FCAR: variants seen among roughly 807,000 people sequenced by gnomAD.
FCAR encodes Fc alpha receptor.
In FCAR, 21 loss-of-function variants were observed where a neutral mutation model predicts 27.1. The observed-to-expected ratio is 0.77, with a 90% CI of 0.55 to 1.11. The LOEUF (loss-of-function observed/expected upper bound fraction) is 1.11, where lower values mean the gene tolerates loss of function less well. Among genes scored for constraint, FCAR ranks in the 50% most tolerant of loss-of-function variants. The probability of loss-of-function intolerance (pLI) is 0.00; values close to 1 mark genes in which losing one functional copy is unlikely to be tolerated. For synonymous variants in FCAR, 134 were observed against 135.8 expected (o/e 0.99, Z 0.09); for missense variants, 404 against 358.4 (o/e 1.13, Z -1.03).
At chr19:54,884,260 G>A (rs2066578668) in intron 2 of FCAR, among the ~76,000 whole-genome samples, 1 of 152,196 alleles carries the variant, frequency 6.6e-6, no homozygotes, top group Admixed American at 6.5e-5. Flanking sequence ...CCTCTGCGGG[G>A]GCTGTGGTAA....
At chr19:54,874,589 G>A (rs1463541946) in intron 1 of FCAR, among the ~76,000 whole-genome samples, 2 of 152,102 alleles carry the variant, frequency 1.3e-5, no homozygotes, top group South Asian at 2.1e-4. Flanking sequence ...TTCTTATCAA[G>A]GAGAGACTTA....
intron 3 of FCAR, 115 bp downstream of exon 3, chr19:54,885,640 A>T (rs965171187): frequency 1.8e-4 from 133 of 759,618 alleles, no homozygotes; most frequent in Admixed American, 4.3e-4. Context: ...ATTGCTTCAG[A>T]GAGTTCTCAG....
At chr19:54,880,166 T>C (rs979337481) in intron 2 of FCAR, among the ~76,000 whole-genome samples, 2 of 152,234 alleles carry the variant, frequency 1.3e-5, no homozygotes, top group Non-Finnish European at 2.9e-5. Context: ...TGTTCCTTGC[T>C]TTCTCCCCAT....
chr19:54,889,526 A>T (rs1314458099), intron 4 of FCAR, 123 bp from the exon 5 acceptor site: 6 of 742,162 alleles, frequency 8.1e-6, no homozygotes, highest in Non-Finnish European at 1.2e-5. Context: ...CATTGAGGGG[A>T]TGCTTGAGGG....
intron 2 of FCAR, among the ~76,000 whole-genome samples, chr19:54,878,060 T>C (rs1231631006): frequency 6.6e-6 from 1 of 151,848 alleles, no homozygotes; most frequent in Non-Finnish European, 1.5e-5. Context: ...AGACTACAGG[T>C]GCCCGCCACC....
At position 54,886,156 on chromosome 19, in the gene FCAR, G is replaced by C. The variant is rs1329290506; in HGVS notation, c.361+631G>C. Among the ~76,000 whole-genome samples, 6 of 151,782 alleles carry C rather than the reference G, an allele frequency of 4.0e-5. No individual in the cohort carries two copies. The East Asian group carries it at 1.2e-3, about 30-fold the overall frequency. On this transcript the variant is annotated intron_variant, in intron 3 of 4. Transcript: ENST00000355524. ...CCAGCTACTTGGGAGGCTGAGGCAG[G>C]AGAATCGCTTGAACCCAGGAGGCAG...
At chr19:54,882,692 G>A (rs2066492570) in intron 2 of FCAR, among the ~76,000 whole-genome samples, 1 of 152,104 alleles carries the variant, frequency 6.6e-6, no homozygotes, top group African/African-American at 2.4e-5. Context: ...GCCCACTTCA[G>A]CCTCCCAAAG....
At chr19:54,877,326 A>T (rs2066151629) in intron 2 of FCAR, among the ~76,000 whole-genome samples, 2 of 152,130 alleles carry the variant, frequency 1.3e-5, no homozygotes, top group Admixed American at 1.3e-4. Context: ...GTTTGATCTC[A>T]GGAGGGTGTA....
chr19:54,884,907 C>T (rs2066617111), intron 2 of FCAR, among the ~76,000 whole-genome samples: 1 of 151,938 alleles, frequency 6.6e-6, no homozygotes, highest in Admixed American at 6.6e-5. Context: ...CCCAGGTTCA[C>T]GCCATTCTCC....
intron 1 of FCAR, among the ~76,000 whole-genome samples, chr19:54,875,082 A>G (rs1372383217): frequency 6.6e-6 from 1 of 151,784 alleles, no homozygotes; most frequent in Non-Finnish European, 1.5e-5. Flanking sequence ...GAGGCAGGAG[A>G]ATGGCATGAA....
In FCAR at chr19:54,890,946, A is replaced by G. The variant is rs1013791097; in HGVS notation, c.*1083A>G. 3.5e-4 allele frequency: 54 copies of G among 152,262 alleles called. No individual in the cohort carries two copies. Among genetic ancestry groups the G allele is most frequent in the African/African-American group, 1.3e-3 (52 of 41,548 alleles). 9.4% of individuals were successfully genotyped at this position (152,262 alleles called of 1,614,324 possible). A position where few individuals can be genotyped will look rare whatever the true frequency, so the allele number is the denominator to read the frequency against. On this transcript the variant is annotated 3_prime_UTR_variant, in exon 5 of 5. Coordinates refer to ENST00000355524, the MANE Select transcript of FCAR (RefSeq NM_002000.4). The stretch of plus-strand genomic sequence containing the variant: ...TGATAAGAGTGAAAGTCATAATCCT[A>G]CAGGAGGATTACCCTATTTATTTCA...
intron 2 of FCAR, among the ~76,000 whole-genome samples, chr19:54,884,495 G>A (rs1446864378): frequency 6.6e-6 from 1 of 152,070 alleles, no homozygotes; most frequent in African/African-American, 2.4e-5. Context: ...ATCCAGGCAT[G>A]GTGGTGGGCA....
intron 2 of FCAR, chr19:54,880,789 G>C (rs1244701686): frequency 6.6e-6 from 1 of 152,174 alleles, no homozygotes; most frequent in Admixed American, 6.6e-5. Context: ...CTGGGGCTTC[G>C]CACAGGGTCT....
chr19:54,884,849 C>G (rs979193019), intron 2 of FCAR, among the ~76,000 whole-genome samples: 1 of 151,926 alleles, frequency 6.6e-6, no homozygotes, highest in Admixed American at 6.6e-5. Context: ...CTCTGTTGCC[C>G]AGGCTGGAGT....
At chr19:54,882,993 G>T (rs1240568561) in intron 2 of FCAR, among the ~76,000 whole-genome samples, 1 of 151,842 alleles carries the variant, frequency 6.6e-6, no homozygotes, top group Non-Finnish European at 1.5e-5. Context: ...AGGCTCTTTT[G>T]TAGTTTTGTT....
intron 2 of FCAR, chr19:54,880,921 T>C (rs1016095324): frequency 6.6e-6 from 1 of 152,188 alleles, no homozygotes; most frequent in African/African-American, 2.4e-5. Flanking sequence ...CAGTAGGTCA[T>C]TCCTCATGAT....
intron 3 of FCAR, among the ~76,000 whole-genome samples, chr19:54,885,850 G>A (rs2145912526): frequency 6.6e-6 from 1 of 152,302 alleles, no homozygotes; most frequent in African/African-American, 2.4e-5. Context: ...GGTGGCTCAC[G>A]CCTGTAATCC....
intron 2 of FCAR, among the ~76,000 whole-genome samples, chr19:54,882,662 C>T (rs1274261212): frequency 6.6e-6 from 1 of 152,094 alleles, no homozygotes; most frequent in East Asian, 1.9e-4. Context: ...TGGTCTCAAA[C>T]TCTTGACCTC....
At chr19:54,879,928 G>A (rs1312093413) in intron 2 of FCAR, among the ~76,000 whole-genome samples, 5 of 152,142 alleles carry the variant, frequency 3.3e-5, no homozygotes, top group Non-Finnish European at 7.4e-5. Flanking sequence ...CTCGTGATCC[G>A]CCCGCCTTGG....
Sources: allele counts gnomAD v4.1 joint callset (sites outside exome capture counted in the v4.1 genomes callset), GRCh38; gene constraint gnomAD v4.1.1; transcripts MANE v1.5; gene names NCBI Gene and HGNC (gene_info 2026-07-23, HGNC 2026-07-21).